Variants in MOXD1 observed in about 807,000 individuals in gnomAD.
The protein encoded by MOXD1 is DBH-like monooxygenase protein 1.
In MOXD1, 62 loss-of-function variants were observed where a neutral mutation model predicts 66.6. The observed-to-expected ratio is 0.93, with a 90% CI of 0.76 to 1.15. The LOEUF is 1.15. Ranked by LOEUF, MOXD1 falls within the 50% of genes most tolerant of loss-of-function variation. MOXD1 has a pLI of 0.00. For missense variants in MOXD1, 847 were observed against 754.6 expected, an observed-to-expected ratio of 1.12 and a Z score of -1.44; for synonymous variants, 303 against 281.9, an observed-to-expected ratio of 1.07 and a Z score of -0.75.
intron 4 of MOXD1, among the ~76,000 whole-genome samples, chr6:132,336,830 C>T (rs1012705850): frequency 5.9e-5 from 9 of 152,188 alleles, no homozygotes; most frequent in South Asian, 2.1e-4. Flanking sequence ...AATTCTCATG[C>T]GTCTACCATC....
intron 10 of MOXD1, among the ~76,000 whole-genome samples, chr6:132,309,029 G>A (rs1774761483): frequency 6.6e-6 from 1 of 152,072 alleles, no homozygotes; most frequent in African/African-American, 2.4e-5. Context: ...GGGCAATCAG[G>A]CAATAGAAAG....
intron 7 of MOXD1, 71 bp from the exon 8 acceptor site, chr6:132,322,941 C>T: frequency 7.7e-7 from 1 of 1,304,386 alleles, no homozygotes; most frequent in Non-Finnish European, 1.0e-6. Flanking sequence ...CATTCAAACA[C>T]ACTTGGAGGG....
intron 9 of MOXD1, among the ~76,000 whole-genome samples, chr6:132,316,263 C>T (rs561544725): frequency 5.9e-5 from 9 of 152,060 alleles, no homozygotes; most frequent in East Asian, 3.9e-4. Context: ...AGAACAGAAT[C>T]CAGAGTTACT....
chr6:132,367,600 G>A lies in MOXD1; in HGVS notation c.663+5008C>T, dbSNP rs925230279. On this transcript the variant is annotated intron_variant, in intron 4 of 11. Coordinates refer to ENST00000367963, the MANE Select transcript of MOXD1 (RefSeq NM_015529.4). Reference sequence around the variant, plus strand: ...TTCCGGGCCTTCTCACTAAATGGGAGTTTTCAATGAAAAGTCATTCAGGGA... The same window carrying A: ...TTCCGGGCCTTCTCACTAAATGGGAATTTTCAATGAAAAGTCATTCAGGGA... Among the ~76,000 whole-genome samples, 12 of 152,122 alleles carry A rather than the reference G, an allele frequency of 7.9e-5. 1 individual carries two copies. The highest frequency in any genetic ancestry group is 2.9e-4 in the African/African-American group (12 of 41,518).
chr6:132,360,008 G>A (rs1582593521), intron 4 of MOXD1, among the ~76,000 whole-genome samples: 1 of 152,308 alleles, frequency 6.6e-6, no homozygotes, highest in African/African-American at 2.4e-5. Context: ...TGATGTATTA[G>A]ACTATGGGTT....
At chr6:132,300,542 C>T (rs538726109) in intron 10 of MOXD1, among the ~76,000 whole-genome samples, 1 of 152,318 alleles carries the variant, frequency 6.6e-6, no homozygotes, top group South Asian at 2.1e-4. Flanking sequence ...GACAGCTTTA[C>T]TATGGTGCTT....
Position 132,297,331 on chromosome 6 carries a change from C to A in MOXD1, c.1678-14G>T. On this transcript the variant is annotated splice_polypyrimidine_tract_variant and intron_variant, in intron 11 of 11. Coordinates refer to ENST00000367963, the MANE Select transcript of MOXD1 (RefSeq NM_015529.4). ...CATTCCTTGAATCTGAAAATGGAAG[C>A]ACAAACAATGCAAATGAACATCTGA... 6.2e-7 allele frequency: 1 copy of A among 1,610,920 alleles called. No homozygotes were observed. The highest frequency in any genetic ancestry group is 1.7e-5 in the Admixed American group (1 of 59,780).
In MOXD1 at chr6:132,308,605, G is replaced by A. The variant is rs572391687; in HGVS notation, c.1508+7030C>T. On this transcript the variant is annotated intron_variant, in intron 10 of 11. Transcript: ENST00000367963. ...CAGGCCAATATTCCTTATGAACATC[G>A]ATGCGAAAATACACAATAAAATACT... Among the ~76,000 whole-genome samples, 30 of 152,178 alleles carry A rather than the reference G, an allele frequency of 2.0e-4. No individual in the cohort carries two copies. In the South Asian group the frequency reaches 5.2e-3, roughly 26 times the overall value.
At chr6:132,303,851 AT>A (rs1562276439) in intron 10 of MOXD1, among the ~76,000 whole-genome samples, 1 of 58,468 alleles carries the variant, frequency 1.7e-5, no homozygotes, top group Non-Finnish European at 2.8e-5. Flanking sequence ...ATATATATAT[AT>A]ATATATATAT....
chr6:132,353,885 T>C (rs1775858523), intron 4 of MOXD1, among the ~76,000 whole-genome samples: 1 of 152,152 alleles, frequency 6.6e-6, no homozygotes, highest in African/African-American at 2.4e-5. Context: ...TTTGTCTTTG[T>C]TGGATTGGGT....
intron 1 of MOXD1, among the ~76,000 whole-genome samples, chr6:132,380,383 C>T (rs1776484125): frequency 6.6e-6 from 1 of 152,130 alleles, no homozygotes; most frequent in Non-Finnish European, 1.5e-5. Flanking sequence ...ATTACTCTGC[C>T]TTTTCCCAGC....
rs1197049590 is a variant in MOXD1, at chr6:132,372,544, T to A, written c.663+64A>T. The A allele has an allele frequency of 2.2e-6, 3 of 1,382,568 alleles. No individual in the cohort carries two copies. In the African/African-American group the frequency reaches 4.3e-5, roughly 20 times the overall value. The allele number at this position is 1,382,568 out of a possible 1,614,324, so 85.6% of individuals were successfully genotyped here. ...TTCTATACTTTTACTGTTTTCATTA[T>A]ATTAACATCAATTTATTTTTCCACT... On this transcript the variant is annotated intron_variant, in intron 4 of 11. Transcript: ENST00000367963.
chr6:132,364,907 A>G (rs1010578554), intron 4 of MOXD1, among the ~76,000 whole-genome samples: 1 of 152,172 alleles, frequency 6.6e-6, no homozygotes, highest in South Asian at 2.1e-4. Context: ...AGGAGCCAAG[A>G]TTCAAACCAG....
At chr6:132,347,932 A>G (rs969332325) in intron 4 of MOXD1, among the ~76,000 whole-genome samples, 1 of 151,492 alleles carries the variant, frequency 6.6e-6, no homozygotes, top group African/African-American at 2.4e-5. Flanking sequence ...TGAGGCCCCC[A>G]TTTAAAAAGT....
chr6:132,313,657 T>C (rs530173717), intron 10 of MOXD1, among the ~76,000 whole-genome samples: 191 of 152,352 alleles, frequency 1.3e-3, no homozygotes, highest in African/African-American at 4.4e-3. Context: ...TTCATGCCTG[T>C]AATCCCAGCA....
chr6:132,323,457 A>C (rs1775123138), intron 7 of MOXD1, among the ~76,000 whole-genome samples: 1 of 152,194 alleles, frequency 6.6e-6, no homozygotes, highest in Non-Finnish European at 1.5e-5. Flanking sequence ...AAAAAACTTG[A>C]AGTGAAAATT....
At chr6:132,385,424 T>C (rs1776605416) in intron 1 of MOXD1, among the ~76,000 whole-genome samples, 1 of 151,216 alleles carries the variant, frequency 6.6e-6, no homozygotes, top group African/African-American at 2.4e-5. Context: ...TTTCAAAACT[T>C]ATACATAACA....
At chr6:132,338,594 C>A (rs1166836917) in intron 4 of MOXD1, among the ~76,000 whole-genome samples, 1 of 152,142 alleles carries the variant, frequency 6.6e-6, no homozygotes, top group Non-Finnish European at 1.5e-5. Flanking sequence ...CCAGCCAACC[C>A]CCGACCCAGT....
intron 11 of MOXD1, 24 bp from the exon 12 acceptor site, chr6:132,297,341 G>C: frequency 1.2e-6 from 2 of 1,609,014 alleles, no homozygotes; most frequent in Non-Finnish European, 1.7e-6. Context: ...CACAAACAAT[G>C]CAAATGAACA....
Sources: allele counts gnomAD v4.1 joint callset (sites outside exome capture counted in the v4.1 genomes callset), GRCh38; gene constraint gnomAD v4.1.1; transcripts MANE v1.5; gene names NCBI Gene and HGNC (gene_info 2026-07-23, HGNC 2026-07-21).